The following PDE7B variants were observed in gnomAD, a reference collection of about 807,000 sequenced individuals.
The protein encoded by PDE7B is 3',5'-cyclic-AMP phosphodiesterase 7B.
Under a neutral mutation model 56.2 loss-of-function variants are expected in PDE7B, and 29 were observed. The ratio of observed to expected loss-of-function variants is 0.52; its 90% CI spans 0.38 to 0.70. The LOEUF (loss-of-function observed/expected upper bound fraction) is 0.70. Ranked by LOEUF, PDE7B falls within the 30% of genes least tolerant of loss-of-function variation. The pLI, the probability that PDE7B is intolerant of heterozygous loss-of-function variation, is 0.00. For missense variants in PDE7B, 490 were observed against 565.0 expected, an observed-to-expected ratio of 0.87 and a Z score of 1.35; for synonymous variants, 197 against 196.9, an observed-to-expected ratio of 1.00 and a Z score of 0.00.
chr6:135,879,677 A>C (rs1775568663), intron 1 of PDE7B, among the ~76,000 whole-genome samples: 2 of 152,222 alleles, frequency 1.3e-5, no homozygotes, highest in Non-Finnish European at 1.5e-5. Context: ...TCCTTAAGGA[A>C]ATACAGTTGG....
Position 135,876,316 on chromosome 6 carries a change from A to C in PDE7B, c.21+24297A>C, listed in dbSNP as rs577074280. Among the ~76,000 whole-genome samples the C allele has an allele frequency of 4.5e-3, 681 of 152,266 alleles. 12 individuals carry two copies. Among genetic ancestry groups the C allele is most frequent in the South Asian group, 0.02 (96 of 4,818 alleles). On this transcript the variant is annotated intron_variant, in intron 1 of 12. Coordinates refer to ENST00000308191, the MANE Select transcript of PDE7B (RefSeq NM_018945.4). The stretch of plus-strand genomic sequence containing the variant: ...AGGCTGTCGGCTGTCAGCTAACTGC[A>C]CGCCTGGTAGCAGCTCCCCTTTAAG...
At chr6:136,004,912 A>C (rs1307640758) in intron 2 of PDE7B, among the ~76,000 whole-genome samples, 2 of 152,062 alleles carry the variant, frequency 1.3e-5, no homozygotes, top group Non-Finnish European at 2.9e-5. Context: ...CCTAAGCCAA[A>C]AGAACAAAGC....
chr6:136,118,745 A>G (rs1777879232), intron 3 of PDE7B, among the ~76,000 whole-genome samples: 1 of 152,180 alleles, frequency 6.6e-6, no homozygotes, highest in Non-Finnish European at 1.5e-5. Context: ...TATGCCAATT[A>G]TTCCTTTTAA....
chr6:136,110,712 A>ATTT (rs10708902), intron 3 of PDE7B, among the ~76,000 whole-genome samples: 32 of 126,810 alleles, frequency 2.5e-4, no homozygotes, highest in South Asian at 1.3e-3. Context: ...ATTCTGCAAC[A>ATTT]TTTTTTTTTT....
At chr6:135,964,116 T>C (rs1016050887) in intron 2 of PDE7B, among the ~76,000 whole-genome samples, 1 of 151,518 alleles carries the variant, frequency 6.6e-6, no homozygotes, top group Non-Finnish European at 1.5e-5. Flanking sequence ...TTTCTTTTAT[T>C]TTTTTTGAGA....
intron 2 of PDE7B, among the ~76,000 whole-genome samples, chr6:136,036,900 A>G (rs1037178959): frequency 6.6e-6 from 1 of 152,226 alleles, no homozygotes; most frequent in Non-Finnish European, 1.5e-5. Context: ...TTTGCTGGCA[A>G]AAGTGCCAAA....
intron 1 of PDE7B, among the ~76,000 whole-genome samples, chr6:135,869,112 C>T (rs1562417717): frequency 6.6e-6 from 1 of 151,992 alleles, no homozygotes; most frequent in Non-Finnish European, 1.5e-5. Context: ...AACCAGATGA[C>T]TGGTATATGA....
chr6:135,862,592 A>AT (rs1297806057), intron 1 of PDE7B, among the ~76,000 whole-genome samples: 3 of 151,498 alleles, frequency 2.0e-5, no homozygotes, highest in Non-Finnish European at 3.0e-5. Context: ...AGTTTATATT[A>AT]TTTTTTTTCC....
chr6:136,052,212 A>C (rs1245436790), intron 2 of PDE7B, among the ~76,000 whole-genome samples: 1 of 152,212 alleles, frequency 6.6e-6, no homozygotes, highest in Non-Finnish European at 1.5e-5. Flanking sequence ...AGTAGGAGGA[A>C]AGAGAAGAGT....
chr6:135,865,917 T>C (rs1197633189), intron 1 of PDE7B, among the ~76,000 whole-genome samples: 1 of 151,986 alleles, frequency 6.6e-6, no homozygotes, highest in African/African-American at 2.4e-5. Flanking sequence ...TAGTGAGGAG[T>C]AGTGAATAGT....
chr6:136,145,786 A>G (rs1778404129), intron 3 of PDE7B, among the ~76,000 whole-genome samples: 1 of 152,048 alleles, frequency 6.6e-6, no homozygotes, highest in Non-Finnish European at 1.5e-5. Flanking sequence ...AACCCATCTA[A>G]AGTCAAGGTA....
chr6:135,873,943 A>G (rs1476202450), intron 1 of PDE7B, among the ~76,000 whole-genome samples: 1 of 152,368 alleles, frequency 6.6e-6, no homozygotes, highest in Admixed American at 6.5e-5. Context: ...AGGCACCTGC[A>G]GATTCAGCAG....
At chr6:136,062,046 C>T (rs1260924154) in intron 2 of PDE7B, among the ~76,000 whole-genome samples, 7 of 152,104 alleles carry the variant, frequency 4.6e-5, no homozygotes, top group African/African-American at 7.2e-5. Flanking sequence ...GTGATAGAGC[C>T]GAGCAAAGCT....
At chr6:136,061,092 ATTG>A (rs1181446253) in intron 2 of PDE7B, among the ~76,000 whole-genome samples, 1 of 152,148 alleles carries the variant, frequency 6.6e-6, no homozygotes, top group Non-Finnish European at 1.5e-5. Flanking sequence ...TTTAAAATAA[ATTG>A]TTATTATCTA....
At chr6:136,152,485 T>C (rs1583911359) in intron 6 of PDE7B, among the ~76,000 whole-genome samples, 1 of 152,238 alleles carries the variant, frequency 6.6e-6, no homozygotes, top group South Asian at 2.1e-4. Context: ...AGAGGTTTCA[T>C]TACTTGCCCA....
intron 3 of PDE7B, among the ~76,000 whole-genome samples, chr6:136,145,273 C>A (rs1778395111): frequency 6.6e-6 from 1 of 152,076 alleles, no homozygotes; most frequent in South Asian, 2.1e-4. Flanking sequence ...TTTCGTTATT[C>A]ATTTTGAGAC....
chr6:136,140,667 C>T (rs1446200561), intron 3 of PDE7B, among the ~76,000 whole-genome samples: 2 of 152,080 alleles, frequency 1.3e-5, no homozygotes, highest in African/African-American at 2.4e-5. Context: ...TGTAGTTCTC[C>T]TTGAAGAGGT....
chr6:136,171,482 G>A (rs1342717120), intron 8 of PDE7B, among the ~76,000 whole-genome samples: 1 of 152,150 alleles, frequency 6.6e-6, no homozygotes, highest in East Asian at 1.9e-4. Context: ...TTGGGCTTAG[G>A]AGGTTCTTAT....
chr6:136,188,060 AG>A (rs529442363), intron 12 of PDE7B, among the ~76,000 whole-genome samples: 3 of 152,196 alleles, frequency 2.0e-5, no homozygotes, highest in Non-Finnish European at 4.4e-5. Flanking sequence ...TTGGTAGGGA[AG>A]GGGGTATCTG....
Sources: allele counts gnomAD v4.1 joint callset (sites outside exome capture counted in the v4.1 genomes callset), GRCh38; gene constraint gnomAD v4.1.1; transcripts MANE v1.5; gene names NCBI Gene and HGNC (gene_info 2026-07-23, HGNC 2026-07-21).